The following COL1A2 variants were observed in gnomAD, a reference collection of about 807,000 sequenced individuals.
COL1A2 encodes collagen type I alpha 2 chain.
Under a neutral mutation model 174.3 loss-of-function variants are expected in COL1A2, and 49 were observed. That is an observed-to-expected ratio of 0.28 (90% CI 0.22 to 0.36). The LOEUF is 0.36. Ranked by LOEUF, COL1A2 falls within the 10% of genes least tolerant of loss-of-function variation. The pLI is 1.00. For synonymous variants in COL1A2, 655 were observed against 606.6 expected, an observed-to-expected ratio of 1.08 and a Z score of -1.17; for missense variants, 1,438 against 1,822.7, an observed-to-expected ratio of 0.79 and a Z score of 3.84.
chr7:94,410,862 C>T, intron 21 of COL1A2, 27 bp from the exon 22 acceptor site: 3 of 1,607,836 alleles, frequency 1.9e-6, no homozygotes, highest in Non-Finnish European at 2.6e-6. Context: ...TTCTTTAATT[C>T]TCTCTATTTC....
chr7:94,405,808 A>G, intron 11 of COL1A2, 82 bp downstream of exon 11: 1 of 1,058,818 alleles, frequency 9.4e-7, no homozygotes, highest in Non-Finnish European at 1.5e-6. Flanking sequence ...ATCTTGGGTG[A>G]CATATACTCA....
intron 31 of COL1A2, 103 bp from the exon 32 acceptor site, chr7:94,417,621 G>C: frequency 2.0e-6 from 2 of 982,052 alleles, no homozygotes; most frequent in Non-Finnish European, 3.2e-6. Context: ...AAGCAGGCAA[G>C]AAGCCTGTCT....
At chr7:94,424,096 C>A (rs1053085507) in intron 40 of COL1A2, 1 of 485,798 alleles carries the variant, frequency 2.1e-6, no homozygotes, top group Admixed American at 3.3e-5. Flanking sequence ...TAAATCTCAA[C>A]CACATATTTT....
At chr7:94,415,055 T>C (rs1032653676) in intron 29 of COL1A2, among the ~76,000 whole-genome samples, 171 bp from the exon 30 acceptor site, 9 of 152,356 alleles carry the variant, frequency 5.9e-5, no homozygotes, top group Admixed American at 5.9e-4. Context: ...AAATTCTCTC[T>C]TTCTGTATCT....
rs1244963727 is a variant in COL1A2 at position 94,415,326 on chromosome 7, T to C, written c.1764+56T>C. Reference sequence around the variant, plus strand: ...TCTGGCAATGTGTTTTTAAAAGTAGTAGTGCTTTCTCCTTAAAGCCACTGA... The same window carrying C: ...TCTGGCAATGTGTTTTTAAAAGTAGCAGTGCTTTCTCCTTAAAGCCACTGA... On this transcript the variant is annotated intron_variant, in intron 30 of 51. Coordinates refer to ENST00000297268, the MANE Select transcript of COL1A2 (RefSeq NM_000089.4). 2.7e-6 allele frequency: 4 copies of C among 1,492,572 alleles called. No individual in the cohort carries two copies. The Admixed American group carries it at 6.7e-5, about 25-fold the overall frequency. The allele number at this position is 1,492,572 out of a possible 1,614,324, so 92.5% of individuals were successfully genotyped here.
chr7:94,424,397 C>T lies in COL1A2; in HGVS notation c.2627C>T (p.Pro876Leu), dbSNP rs1351798244. ...LLGAPGILGL[P>L]GSRGERGLPG... ...GGTGCTCCTGGTATTCTGGGTCTCCCTGGCTCGAGAGGTGAACGTGGTCTA... is the reference window on the plus strand; with the variant it reads ...GGTGCTCCTGGTATTCTGGGTCTCCTTGGCTCGAGAGGTGAACGTGGTCTA... Residue 876 changes from proline (P) to leucine (L), a missense_variant, in exon 41 of 52, where the codon CCT becomes CTT. Pro to Leu is a moderately conservative substitution (Grantham distance 98). Around this residue, in one of 3 missense-constraint regions of COL1A2, gnomAD observed 867 missense variants for 1,213.7 expected, o/e 0.71. Coordinates refer to ENST00000297268, the MANE Select transcript of COL1A2 (RefSeq NM_000089.4). 1 of 1,614,122 alleles carries T rather than the reference C, an allele frequency of 6.2e-7. No homozygotes were observed. Among genetic ancestry groups the T allele is most frequent in the South Asian group, 1.1e-5 (1 of 91,080 alleles).
Position 94,418,531 on chromosome 7 carries a change from C to T in COL1A2, c.2004C>T (p.Asn668=). 1.2e-6 allele frequency: 2 copies of T among 1,613,858 alleles called. No individual in the cohort carries two copies. Among genetic ancestry groups the T allele is most frequent in the Non-Finnish European group, 1.7e-6 (2 of 1,179,900 alleles). Residue 668 remains asparagine, a synonymous_variant, in exon 33 of 52, where the codon AAC becomes AAT. Transcript: ENST00000297268. ...GEPGLRGEIG[N]PGRDGARGAP... is the part of the protein sequence containing the mutation. The stretch of plus-strand genomic sequence containing the variant: ...CTGGTCTCAGAGGTGAAATTGGTAA[C>T]CCTGGCAGAGATGGTGCTCGTGTGA...
intron 18 of COL1A2, 35 bp from the exon 19 acceptor site, chr7:94,409,688 C>A: frequency 6.2e-7 from 1 of 1,613,094 alleles, no homozygotes; most frequent in Non-Finnish European, 8.5e-7. Context: ...AGCCCATCAC[C>A]TCCCTAATGG....
intron 46 of COL1A2, 64 bp from the exon 47 acceptor site, chr7:94,426,944 A>T: frequency 6.6e-7 from 1 of 1,523,938 alleles, no homozygotes; most frequent in Non-Finnish European, 9.0e-7. Flanking sequence ...ATTTGGAAAA[A>T]AAAAAAAAAT....
rs1584332680 is a variant in COL1A2 at position 94,429,238 on chromosome 7, T to C, written c.3762T>C (p.Leu1254=). Residue 1254 remains leucine (L), a synonymous_variant, in exon 51 of 52, where the codon CTT becomes CTC. Coordinates refer to ENST00000297268, the MANE Select transcript of COL1A2 (RefSeq NM_000089.4). ...GVTSKEMATQ[L]AFMRLLANYA... Reference sequence around the variant, plus strand: ...CTTCCAAGGAAATGGCTACCCAACTTGCCTTCATGCGCCTGCTGGCCAACT... The same window carrying C: ...CTTCCAAGGAAATGGCTACCCAACTCGCCTTCATGCGCCTGCTGGCCAACT... The C allele has an allele frequency of 6.2e-7, 1 of 1,613,528 alleles. No individual in the cohort carries two copies. Among genetic ancestry groups the C allele is most frequent in the Non-Finnish European group, 8.5e-7 (1 of 1,179,510 alleles).
intron 46 of COL1A2, 148 bp downstream of exon 46, chr7:94,426,678 G>C (rs1792284930): frequency 1.3e-6 from 1 of 745,644 alleles, no homozygotes. Context: ...CACTCTTGGA[G>C]GTAATGCTAT....
intron 45 of COL1A2, 102 bp from the exon 46 acceptor site, chr7:94,426,321 G>A: frequency 9.0e-7 from 1 of 1,112,224 alleles, no homozygotes; most frequent in South Asian, 1.3e-5. Flanking sequence ...ACCATTACAT[G>A]TCCTGAGTTA....
At position 94,427,664 on chromosome 7, in the gene COL1A2, G is replaced by A. The variant is rs68063264; in HGVS notation, c.3305G>A (p.Gly1102Asp). 1 of 1,614,148 alleles carries A rather than the reference G, an allele frequency of 6.2e-7. No homozygotes were observed. The highest frequency in any genetic ancestry group is 1.1e-5 in the South Asian group (1 of 91,080). The change falls in exon 49 of 52, where the codon GGT becomes GAT. Residue 1102 changes from glycine (G) to aspartate (D), a missense_variant. Coordinates refer to ENST00000297268, the MANE Select transcript of COL1A2 (RefSeq NM_000089.4). ...PGPPGPPGPP[G>D]VSGGGYDFGY... ...CCCCCTGGCCCTCCTGGACCTCCAG[G>A]TGTAAGCGGTGGTGGTTATGACTTT...
chr7:94,419,403 C>A, intron 33 of COL1A2, 95 bp from the exon 34 acceptor site: 1 of 1,391,288 alleles, frequency 7.2e-7, no homozygotes, highest in South Asian at 1.2e-5. Context: ...TGAAAGTGTT[C>A]AGTCACTGTA....
chr7:94,410,784 G>A, intron 21 of COL1A2, 105 bp from the exon 22 acceptor site: 1 of 1,296,674 alleles, frequency 7.7e-7, no homozygotes, highest in South Asian at 1.2e-5. Context: ...CTTGGTTTGT[G>A]TCTGTATCTC....
At chr7:94,410,865 T>C (rs758128775) in intron 21 of COL1A2, 24 bp from the exon 22 acceptor site, 3 of 1,611,670 alleles carry the variant, frequency 1.9e-6, no homozygotes, top group South Asian at 1.1e-5. Context: ...TTTAATTCTC[T>C]CTATTTCATG....
chr7:94,424,141 G>A, intron 40 of COL1A2, 195 bp from the exon 41 acceptor site: 1 of 569,710 alleles, frequency 1.8e-6, no homozygotes, highest in East Asian at 3.1e-5. Flanking sequence ...GGATGAATCA[G>A]ATACAAAAGT....
intron 48 of COL1A2, 152 bp downstream of exon 48, chr7:94,427,447 C>T (rs944023458): frequency 9.7e-7 from 1 of 1,034,562 alleles, no homozygotes; most frequent in East Asian, 2.5e-5. Flanking sequence ...ATGCAATGGG[C>T]TTGTTAAGTC....
In COL1A2 at chr7:94,405,707, C is replaced by T. The variant is rs1483950022; in HGVS notation, c.521C>T (p.Pro174Leu). 1 of 1,613,746 alleles carries T rather than the reference C, an allele frequency of 6.2e-7. No individual in the cohort carries two copies. Among genetic ancestry groups the T allele is most frequent in the Admixed American group, 1.7e-5 (1 of 60,018 alleles). Residue 174 changes from proline to leucine, a missense_variant, in exon 11 of 52, where the codon CCT (proline) becomes CTT (leucine). Pro to Leu is a moderately conservative substitution (Grantham distance 98). Coordinates refer to ENST00000297268, the MANE Select transcript of COL1A2 (RefSeq NM_000089.4). ...ARGFPGTPGLPGFKGIRGHNG... is the reference protein window; with the variant it reads ...ARGFPGTPGLLGFKGIRGHNG... ...GGTTTCCCTGGAACTCCTGGACTTC[C>T]TGGCTTCAAAGGCATTAGGGTGAGC...
Sources: gnomAD v4.1 joint callset for allele counts (sites outside exome capture counted in the v4.1 genomes callset) on GRCh38, gnomAD v4.1.1 for gene constraint, gnomAD v4.1.1 regional missense constraint, MANE v1.5 for transcripts, NCBI Gene and HGNC (gene_info 2026-07-23, HGNC 2026-07-21) for gene names.